MYLK: variants seen among roughly 807,000 people sequenced by gnomAD.
MYLK encodes the protein myosin light chain kinase, also known as myosin light chain kinase, smooth muscle.
MYLK carries 106 observed loss-of-function variants against 203.4 expected under a neutral mutation model. The ratio of observed to expected loss-of-function variants is 0.52; its 90% CI spans 0.45 to 0.61. MYLK has a LOEUF of 0.61. Among genes scored for constraint, MYLK ranks in the 20% least tolerant of loss-of-function variants. The pLI is 0.00. For synonymous variants in MYLK, 867 were observed against 959.5 expected, an observed-to-expected ratio of 0.90 and a Z score of 1.78; for missense variants, 2,072 against 2,442.3, an observed-to-expected ratio of 0.85 and a Z score of 3.20.
chr3:123,814,240 T>G (rs1479482728), intron 3 of MYLK: 2 of 218,094 alleles, frequency 9.2e-6, no homozygotes, highest in Non-Finnish European at 9.5e-6. Context: ...AAAGGTATCT[T>G]CCCCGGCCAC....
chr3:123,682,920 C>T (rs1017517199), intron 19 of MYLK, among the ~76,000 whole-genome samples: 2 of 152,200 alleles, frequency 1.3e-5, no homozygotes, highest in Admixed American at 6.5e-5. Flanking sequence ...CCCAGTGAAG[C>T]TGGGCACAGC....
chr3:123,874,523 G>A (rs1055040912), intron 2 of MYLK, among the ~76,000 whole-genome samples: 1 of 152,046 alleles, frequency 6.6e-6, no homozygotes, highest in Non-Finnish European at 1.5e-5. Context: ...ACCTAAAAAT[G>A]TAAAACGTCT....
At chr3:123,714,023 C>A (rs1018333549) in intron 13 of MYLK, among the ~76,000 whole-genome samples, 1 of 152,130 alleles carries the variant, frequency 6.6e-6, no homozygotes, top group Non-Finnish European at 1.5e-5. Context: ...GGAAATTCAA[C>A]CTGATAATAA....
At chr3:123,729,357 T>C (rs2062400067) in intron 11 of MYLK, among the ~76,000 whole-genome samples, 1 of 152,170 alleles carries the variant, frequency 6.6e-6, no homozygotes, top group African/African-American at 2.4e-5. Context: ...ACATGACAAA[T>C]AATCCAGCCT....
intron 2 of MYLK, among the ~76,000 whole-genome samples, chr3:123,846,970 G>A (rs1431665388): frequency 1.3e-5 from 2 of 151,886 alleles, no homozygotes; most frequent in Non-Finnish European, 2.9e-5. Context: ...CTGTATTTAT[G>A]GAACTTGGAA....
At chr3:123,692,315 T>A (rs1390367615) in intron 19 of MYLK, 2 of 1,153,530 alleles carry the variant, frequency 1.7e-6, no homozygotes, top group East Asian at 1.2e-4. Flanking sequence ...CGGACCTCGC[T>A]CTGCTCCCTC....
rs371533014 is a variant in MYLK at position 123,640,508 on chromosome 3, C to T, written c.4620-4G>A. ...AAACAGCTCCCCTCCTGACACGCTG[C>T]GGGAACACGTGCACGGGGTGGTCAG... is the stretch of plus-strand genomic sequence containing the variant. On this transcript the variant is annotated splice_region_variant and splice_polypyrimidine_tract_variant and intron_variant, in intron 27 of 33. Transcript: ENST00000360304. The surrounding 1 kb of genome is among the most constrained non-coding windows in gnomAD (Gnocchi z 4.3). 324 of 1,613,712 alleles carry T rather than the reference C, an allele frequency of 2.0e-4. No homozygotes were observed. The highest frequency in any genetic ancestry group is 2.6e-4 in the Non-Finnish European group (311 of 1,180,030).
chr3:123,687,616 A>ACCTTCC (rs1560073612), intron 19 of MYLK, among the ~76,000 whole-genome samples: 21 of 150,298 alleles, frequency 1.4e-4, no homozygotes, highest in South Asian at 1.0e-3. Flanking sequence ...TCCTACCTTC[A>ACCTTCC]TTCCTTCCTT....
At chr3:123,735,503 T>A (rs1447747859) in intron 8 of MYLK, 87 bp from the exon 9 acceptor site, 10 of 1,494,050 alleles carry the variant, frequency 6.7e-6, no homozygotes, top group Non-Finnish European at 9.3e-6. Flanking sequence ...CTCATCACCG[T>A]GGTCCCACCC....
chr3:123,679,866 G>A (rs1299359732), intron 20 of MYLK, among the ~76,000 whole-genome samples: 2 of 152,122 alleles, frequency 1.3e-5, no homozygotes, highest in East Asian at 1.9e-4. Context: ...GAGGGTCCCC[G>A]AGGCAGTTCC....
chr3:123,878,695 A>G (rs978376514), intron 1 of MYLK, among the ~76,000 whole-genome samples: 31 of 149,742 alleles, frequency 2.1e-4, no homozygotes, highest in African/African-American at 7.6e-4. Flanking sequence ...TACTACTTGG[A>G]TTTTTTTTTT....
intron 2 of MYLK, among the ~76,000 whole-genome samples, chr3:123,844,871 C>A (rs2066677530): frequency 7.0e-6 from 1 of 141,964 alleles, no homozygotes; most frequent in South Asian, 2.3e-4. Context: ...TGCTATGTTG[C>A]CCAAGCTAGC....
At chr3:123,788,712 T>C (rs2064648734) in intron 4 of MYLK, among the ~76,000 whole-genome samples, 1 of 152,100 alleles carries the variant, frequency 6.6e-6, no homozygotes, top group South Asian at 2.1e-4. Flanking sequence ...TGAGGAATTA[T>C]TCATGCTTCC....
intron 16 of MYLK, among the ~76,000 whole-genome samples, chr3:123,706,553 T>C (rs2061468176): frequency 6.6e-6 from 1 of 152,192 alleles, no homozygotes; most frequent in African/African-American, 2.4e-5. Flanking sequence ...TCTTCTTCGA[T>C]GCTTACACCA....
chr3:123,618,576 G>A (rs2107862045), intron 33 of MYLK, 63 bp downstream of exon 33: 1 of 1,607,520 alleles, frequency 6.2e-7, no homozygotes, highest in Non-Finnish European at 8.5e-7. Flanking sequence ...ACGGTGCATG[G>A]TAGGGACTCT....
chr3:123,883,701 C>G (rs1197985946), intron 1 of MYLK, among the ~76,000 whole-genome samples: 1 of 152,180 alleles, frequency 6.6e-6, no homozygotes. Context: ...AGGTAAGGAG[C>G]TTAAATGAGG....
intron 3 of MYLK, among the ~76,000 whole-genome samples, chr3:123,811,708 G>A (rs2065567481): frequency 6.6e-6 from 1 of 152,144 alleles, no homozygotes; most frequent in East Asian, 1.9e-4. Flanking sequence ...CTGAAGAGCA[G>A]TATGTTGTTT....
chr3:123,614,028 G>GTTT lies in MYLK; in HGVS notation c.*74_*76dup, dbSNP rs35930843. 1,830 of 1,288,534 alleles carry GTTT rather than the reference G, an allele frequency of 1.4e-3. No individual in the cohort carries two copies. The highest frequency in any genetic ancestry group is 2.0e-3 in the South Asian group (153 of 74,934). 79.8% of individuals were successfully genotyped at this position (1,288,534 alleles called of 1,614,324 possible). ...ACACTAGGTGCTTTTACTATCTTGAGTTTTTTTTTTTTTTTTGAGTTTTAG... is the reference window on the plus strand; with the variant it reads ...ACACTAGGTGCTTTTACTATCTTGAGTTTTTTTTTTTTTTTTTTTGAGTTTTAG... On this transcript the variant is annotated 3_prime_UTR_variant, in exon 34 of 34. Coordinates refer to ENST00000360304, the MANE Select transcript of MYLK (RefSeq NM_053025.4).
chr3:123,779,582 G>A (rs758272001), intron 4 of MYLK, among the ~76,000 whole-genome samples: 13 of 152,154 alleles, frequency 8.5e-5, no homozygotes, highest in Non-Finnish European at 1.2e-4. Context: ...TCGTCCTGCC[G>A]TAATCCCTGC....
Sources: allele counts gnomAD v4.1 joint callset (sites outside exome capture counted in the v4.1 genomes callset), GRCh38; gene constraint gnomAD v4.1.1; non-coding constraint Gnocchi (gnomAD v3.1); transcripts MANE v1.5; gene names NCBI Gene and HGNC (gene_info 2026-07-23, HGNC 2026-07-21).